The following DIS3 variants were observed in gnomAD, a reference collection of about 807,000 sequenced individuals.
DIS3 encodes the protein exosome complex exonuclease RRP44.
Under a neutral mutation model 113.0 loss-of-function variants are expected in DIS3, and 103 were observed. That is an observed-to-expected ratio of 0.91 (90% confidence interval 0.78 to 1.07). The LOEUF is 1.07. DIS3 is among the 50% of genes least tolerant of loss of function. The pLI is 0.00. For synonymous variants in DIS3, 402 were observed against 394.3 expected, an observed-to-expected ratio of 1.02 and a Z score of -0.23; for missense variants, 1,121 against 1,167.1, an observed-to-expected ratio of 0.96 and a Z score of 0.58.
Position 72,762,040 on chromosome 13 carries a change from A to G in DIS3, c.2225T>C (p.Ile742Thr), listed in dbSNP as rs759752849. ...TTGCATCATACAGCGAGTGGCTAAT[A>G]TTCTCAACAGAGTGTTTAGATATGG... ...TFPYLNTLLRILATRCMMQAV... is the reference protein window; with the variant it reads ...TFPYLNTLLRTLATRCMMQAV... Residue 742 changes from isoleucine (I) to threonine (T), a missense_variant, in exon 17 of 21, where the codon ATA becomes ACA. By Grantham distance (89) the Ile-to-Thr change is moderately conservative (BLOSUM62 -1). This residue lies in a region of DIS3 where 861 missense variants were observed against 915.5 expected (regional missense o/e 0.94). Transcript: ENST00000377767. The G allele has an allele frequency of 1.2e-6, 2 of 1,614,166 alleles. No homozygotes were observed. The highest frequency in any genetic ancestry group is 2.2e-5 in the South Asian group (2 of 91,082).
Position 72,753,551 on chromosome 13 carries a change from T to A in DIS3, c.*6244A>T. On this transcript the variant is annotated 3_prime_UTR_variant, in exon 21 of 21. Coordinates refer to ENST00000377767, the MANE Select transcript of DIS3 (RefSeq NM_014953.5). ...ACCTTTTATATTTGTGCATTACTTT[T>A]GAATTTTGTTCAACATGATCAATAT... is the stretch of plus-strand genomic sequence containing the variant. 1 of 852,456 alleles carries A rather than the reference T, an allele frequency of 1.2e-6. No individual in the cohort carries two copies. Among genetic ancestry groups the A allele is most frequent in the Non-Finnish European group, 1.8e-6 (1 of 561,900 alleles). 52.8% of individuals were successfully genotyped at this position (852,456 alleles called of 1,614,324 possible). A position where few individuals can be genotyped will look rare whatever the true frequency, so the allele number is the denominator to read the frequency against.
rs1289136216 is a variant in DIS3, at chr13:72,761,673, T to C, written c.2484A>G (p.Gln828=). The change falls in exon 18 of 21, where the codon CAA becomes CAG. Residue 828 remains glutamine, a synonymous_variant. Transcript: ENST00000377767. The stretch of plus-strand genomic sequence containing the variant: ...GGGTATGAAAAGCCACTGATGCACG[T>C]TGGGCATATTGAGCCATTTTGTGCC... The part of the protein sequence containing the change: ...NFRHKMAQYA[Q]RASVAFHTQL... 1 of 1,611,316 alleles carries C rather than the reference T, an allele frequency of 6.2e-7. No homozygotes were observed. The highest frequency in any genetic ancestry group is 1.1e-5 in the South Asian group (1 of 90,034).
chr13:72,774,582 T>C (rs559763560), intron 6 of DIS3, among the ~76,000 whole-genome samples: 1 of 152,294 alleles, frequency 6.6e-6, no homozygotes, highest in Non-Finnish European at 1.5e-5. Context: ...TCCAAAGGCC[T>C]GGACTCTCCA....
intron 2 of DIS3, among the ~76,000 whole-genome samples, chr13:72,779,774 G>T (rs925364700): frequency 2.0e-5 from 3 of 151,830 alleles, no homozygotes; most frequent in East Asian, 1.9e-4. Flanking sequence ...TGGTGGTGGG[G>T]GGGGTAAGGG....
At chr13:72,781,496 G>A in intron 1 of DIS3, 109 bp downstream of exon 1, 4 of 1,428,492 alleles carry the variant, frequency 2.8e-6, no homozygotes, top group Non-Finnish European at 3.7e-6. Flanking sequence ...TTTCCCTTTC[G>A]CTAGGTATGT....
At chr13:72,762,236 G>C (rs2033644990) in intron 16 of DIS3, 99 bp from the exon 17 acceptor site, 7 of 1,087,122 alleles carry the variant, frequency 6.4e-6, no homozygotes, top group Middle Eastern at 2.7e-4. Context: ...CAAACATCAT[G>C]TTTTTGTTAT....
rs746599822 is a variant in DIS3 at position 72,761,708 on chromosome 13, G to C, written c.2449C>G (p.Leu817Val). 1.7e-5 allele frequency: 27 copies of C among 1,613,564 alleles called. No individual in the cohort carries two copies. In the South Asian group the frequency reaches 2.9e-4, roughly 17 times the overall value. Residue 817 changes from leucine (L) to valine (V), a missense_variant, in exon 18 of 21, where the codon CTA (leucine) becomes GTA (valine). By Grantham distance (32) the Leu-to-Val change is conservative. Transcript: ENST00000377767. ...KHKLADICKN[L>V]NFRHKMAQYA... Reference sequence around the variant, plus strand: ...TGAGCCATTTTGTGCCGGAAATTTAGATTTTTACATATATCTGCAAGCTTG... The same window carrying C: ...TGAGCCATTTTGTGCCGGAAATTTACATTTTTACATATATCTGCAAGCTTG...
rs562144926 is a variant in DIS3 at position 72,756,800 on chromosome 13, TTG to T, written c.*2993_*2994del. 8 of 152,296 alleles carry T rather than the reference TTG, an allele frequency of 5.3e-5. No homozygotes were observed. Among genetic ancestry groups the T allele is most frequent in the African/African-American group, 1.9e-4 (8 of 41,562 alleles). The allele number at this position is 152,296 out of a possible 1,614,324, so 9.4% of individuals were successfully genotyped here. On this transcript the variant is annotated 3_prime_UTR_variant, in exon 21 of 21. Coordinates refer to ENST00000377767, the MANE Select transcript of DIS3 (RefSeq NM_014953.5). The stretch of plus-strand genomic sequence containing the variant: ...CCTGCTTCTCCTTTTTCTGCCATGA[TTG>T]TGTAAGTGTCCTGAGGCCTCACCAG...
At chr13:72,765,929 A>G in intron 15 of DIS3, 43 bp downstream of exon 15, 1 of 1,416,246 alleles carries the variant, frequency 7.1e-7, no homozygotes, top group Non-Finnish European at 9.7e-7. Context: ...TGACAATTAA[A>G]ATAAAAAAAT....
Position 72,759,806 on chromosome 13 carries a change from G to A in DIS3, c.2866C>T (p.Leu956Phe), listed in dbSNP as rs144998039. The change falls in exon 21 of 21, where the codon CTT becomes TTT. Residue 956 changes from leucine (L) to phenylalanine (F), a missense_variant. Physicochemically the swap from Leu to Phe is conservative, Grantham distance 22 (BLOSUM62 0). Transcript: ENST00000377767. The part of the protein sequence containing the change: ...LNGPKKKKMK[L>F]GK Reference sequence around the variant, plus strand: ...TTTGTTGAATATAGCTATTTTCCAAGCTTCATCTTCTTTTTCTTTGGTCCA... The same window carrying A: ...TTTGTTGAATATAGCTATTTTCCAAACTTCATCTTCTTTTTCTTTGGTCCA... 2.4e-5 allele frequency: 39 copies of A among 1,611,824 alleles called. No homozygotes were observed. The Middle Eastern group carries it at 5.1e-4, about 21-fold the overall frequency.
chr13:72,756,646 A>G lies in DIS3; in HGVS notation c.*3149T>C, dbSNP rs938137938. 11 of 152,302 alleles carry G rather than the reference A, an allele frequency of 7.2e-5. No individual in the cohort carries two copies. The highest frequency in any genetic ancestry group is 2.2e-4 in the African/African-American group (9 of 41,552). The allele number at this position is 152,302 out of a possible 1,614,324, so 9.4% of individuals were successfully genotyped here. On this transcript the variant is annotated 3_prime_UTR_variant, in exon 21 of 21. Transcript: ENST00000377767. ...GGGACCAGGTGGAGGTAACTGGATC[A>G]TGGGGGCGGTTTCCTCCATGCTGTT...
rs775446449 is a variant in DIS3, at chr13:72,774,059, G to A, written c.988C>T (p.Leu330Phe). ...ATTTTCTCGCTTACAGCAGTCTTAA[G>A]CTGAGATATAAAAATTAAAATGTTC... Reference protein sequence around the residue: ...VEKEEETERMLKTAVSEKMLK... With the variant: ...VEKEEETERMFKTAVSEKMLK... Residue 330 changes from leucine to phenylalanine, a missense_variant and splice_region_variant, in exon 7 of 21, where the codon CTT becomes TTT. Around this residue, in one of 3 missense-constraint regions of DIS3, gnomAD observed 861 missense variants for 915.5 expected, o/e 0.94. Transcript: ENST00000377767. The A allele has an allele frequency of 1.3e-6, 2 of 1,576,190 alleles. No homozygotes were observed. Among genetic ancestry groups the A allele is most frequent in the East Asian group, 2.2e-5 (1 of 44,650 alleles).
rs543609452 is a variant in DIS3 at position 72,768,513 on chromosome 13, G to T, written c.1883+272C>A. Among the ~76,000 whole-genome samples, 31 of 152,298 alleles carry T rather than the reference G, an allele frequency of 2.0e-4. No homozygotes were observed. In the South Asian group the frequency reaches 6.2e-3, roughly 31 times the overall value. On this transcript the variant is annotated intron_variant, in intron 14 of 20. Transcript: ENST00000377767. Reference sequence around the variant, plus strand: ...AAAAATACAAAAATTAGCTGGGCGTGGTGGTGGGCACCTGTAATCCCAGCT... The same window carrying T: ...AAAAATACAAAAATTAGCTGGGCGTTGTGGTGGGCACCTGTAATCCCAGCT...
Position 72,771,883 on chromosome 13 carries a change from A to G in DIS3, c.1517T>C (p.Ile506Thr), listed in dbSNP as rs2033893921. 6.2e-7 allele frequency: 1 copy of G among 1,613,616 alleles called. No individual in the cohort carries two copies. Among genetic ancestry groups the G allele is most frequent in the Non-Finnish European group, 8.5e-7 (1 of 1,179,826 alleles). The change falls in exon 11 of 21, where the codon ATT (isoleucine) becomes ACT (threonine). Residue 506 changes from isoleucine (I) to threonine (T), a missense_variant. Around this residue, in one of 3 missense-constraint regions of DIS3, gnomAD observed 861 missense variants for 915.5 expected, o/e 0.94. Transcript: ENST00000377767. ...ENGNLEVGVH[I>T]ADVSHFIRPG... ...CCTAATAAAATGGCTCACATCAGCA[A>G]TATGAACACCAACCTTAAAAAGATA...
Position 72,760,495 on chromosome 13 carries a change from C to T in DIS3, c.2793+34G>A, listed in dbSNP as rs1167279843. 3.1e-6 allele frequency: 5 copies of T among 1,612,332 alleles called. No homozygotes were observed. The Admixed American group carries it at 8.3e-5, about 27-fold the overall frequency. On this transcript the variant is annotated intron_variant, in intron 20 of 20. Transcript: ENST00000377767. ...TTGACAAAATATGTACTGTTTGTTC[C>T]ATCACAACAAGGAAATTTTAAGTTT... is the stretch of plus-strand genomic sequence containing the variant.
chr13:72,778,492 C>G lies in DIS3; in HGVS notation c.387-112G>C, dbSNP rs181110070. The G allele has an allele frequency of 7.9e-5, 60 of 762,522 alleles. No homozygotes were observed. The East Asian group carries it at 1.4e-3, about 18-fold the overall frequency. 47.2% of individuals were successfully genotyped at this position (762,522 alleles called of 1,614,324 possible). A position where few individuals can be genotyped will look rare whatever the true frequency, so the allele number is the denominator to read the frequency against. ...AAACTAGAAAAAGTCAATGGTATAT[C>G]TTTTCTCTTGAATGTATTCAGATGT... On this transcript the variant is annotated intron_variant, in intron 2 of 20. Transcript: ENST00000377767.
intron 2 of DIS3, among the ~76,000 whole-genome samples, chr13:72,778,881 G>A (rs2034087426): frequency 1.3e-5 from 2 of 152,106 alleles, no homozygotes; most frequent in South Asian, 4.1e-4. Context: ...AAGCTATGTA[G>A]AGACTGAAAA....
chr13:72,756,416 T>TAAAAAAAAAA lies in DIS3; in HGVS notation c.*3378_*3379insTTTTTTTTTT, dbSNP rs2033475234. ...TTTACCTAAAAACAATTGCTATACCTAAAAGGAGTTCTGGGTACTAAGGGT... is the reference window on the plus strand; with the variant it reads ...TTTACCTAAAAACAATTGCTATACCTAAAAAAAAAAAAAAGGAGTTCTGGGTACTAAGGGT... On this transcript the variant is annotated 3_prime_UTR_variant, in exon 21 of 21. Transcript: ENST00000377767. The TAAAAAAAAAA allele has an allele frequency of 6.6e-6, 1 of 152,546 alleles. No individual in the cohort carries two copies. Among genetic ancestry groups the TAAAAAAAAAA allele is most frequent in the Non-Finnish European group, 1.5e-5 (1 of 68,290 alleles). 9.4% of individuals were successfully genotyped at this position (152,546 alleles called of 1,614,324 possible).
intron 10 of DIS3, 71 bp downstream of exon 10, chr13:72,772,088 A>G (rs567922392): frequency 1.5e-6 from 2 of 1,364,546 alleles, no homozygotes; most frequent in Non-Finnish European, 2.0e-6. Context: ...AGCAAATTCT[A>G]TTCTAGTTCA....
Sources: gnomAD v4.1 joint callset for allele counts (sites outside exome capture counted in the v4.1 genomes callset) on GRCh38, gnomAD v4.1.1 for gene constraint, gnomAD v4.1.1 regional missense constraint, MANE v1.5 for transcripts, NCBI Gene and HGNC (gene_info 2026-07-23, HGNC 2026-07-21) for gene names.